Variants in SLC38A8 observed in about 807,000 individuals in gnomAD.
The protein encoded by SLC38A8 is amino acid transporter SLC38A8.
In SLC38A8, 65 loss-of-function variants were observed where a neutral mutation model predicts 46.0. The observed-to-expected ratio is 1.41, with a 90% CI of 1.16 to 1.74. SLC38A8 has a LOEUF of 1.74. SLC38A8 is among the 40% of genes most tolerant of loss of function. SLC38A8 has a pLI of 0.00. For missense variants in SLC38A8, 998 were observed against 567.9 expected, an observed-to-expected ratio of 1.76 and a Z score of -7.70; for synonymous variants, 447 against 243.7, an observed-to-expected ratio of 1.83 and a Z score of -7.77.
intron 2 of SLC38A8, among the ~76,000 whole-genome samples, chr16:84,040,458 T>C (rs924121377): frequency 3.3e-5 from 5 of 152,204 alleles, no homozygotes; most frequent in African/African-American, 9.6e-5. Context: ...AGCATCTGCA[T>C]TTCAGCAAGA....
At position 84,022,817 on chromosome 16, in the gene SLC38A8, C is replaced by A. The variant is rs1386466657; in HGVS notation, c.763G>T (p.Val255Leu). 1.2e-6 allele frequency: 2 copies of A among 1,613,856 alleles called. No individual in the cohort carries two copies. Among genetic ancestry groups the A allele is most frequent in the African/African-American group, 1.3e-5 (1 of 74,910 alleles). The change falls in exon 7 of 11, where the codon GTG (valine) becomes TTG (leucine). Residue 255 changes from valine (V) to leucine (L), a missense_variant. Val to Leu is a conservative substitution (Grantham distance 32, BLOSUM62 1). Coordinates refer to ENST00000299709, the MANE Select transcript of SLC38A8 (RefSeq NM_001080442.3). ...AGGCAGCAGGCCAGCAAGGACAGCA[C>A]AGACACCAGGGCCCAGTGGGAGAGG... ...RSLSHWALVS[V>L]LSLLACCLIY...
chr16:84,042,250 G>A (rs2085376745), intron 1 of SLC38A8, 91 bp from the exon 2 acceptor site: 13 of 1,411,716 alleles, frequency 9.2e-6, no homozygotes, highest in Non-Finnish European at 1.2e-5. Flanking sequence ...CCAACTCAGT[G>A]AGAGCTCCCT....
chr16:84,026,848 C>A (rs1187519453), intron 6 of SLC38A8, among the ~76,000 whole-genome samples: 1 of 152,126 alleles, frequency 6.6e-6, no homozygotes, highest in Admixed American at 6.6e-5. Flanking sequence ...CAAATCCAGA[C>A]AGACAAGAAG....
chr16:84,009,775 A>G lies in SLC38A8; in HGVS notation c.*9T>C, dbSNP rs7196330. On this transcript the variant is annotated 3_prime_UTR_variant, in exon 11 of 11. Coordinates refer to ENST00000299709, the MANE Select transcript of SLC38A8 (RefSeq NM_001080442.3). ...GGAGGGCCCCTTCCTGCCCGGCACT[A>G]GCTGCCCATCAGAACATCTCCCAGA... The G allele has an allele frequency of 0.18, 285,180 of 1,611,486 alleles. 30,830 individuals carry two copies. The highest frequency in any genetic ancestry group is 0.53 in the African/African-American group (39,400 of 74,814).
intron 7 of SLC38A8, among the ~76,000 whole-genome samples, chr16:84,021,280 G>T (rs1281756448): frequency 6.6e-6 from 1 of 152,250 alleles, no homozygotes; most frequent in East Asian, 1.9e-4. Context: ...TCACAGGCTG[G>T]TCTCAAAATC....
intron 7 of SLC38A8, among the ~76,000 whole-genome samples, chr16:84,019,804 G>A (rs1247361714): frequency 6.6e-6 from 1 of 152,216 alleles, no homozygotes; most frequent in African/African-American, 2.4e-5. Context: ...GAGAGACTAA[G>A]GCCAAAGGAA....
chr16:84,025,194 T>G (rs1490664319), intron 6 of SLC38A8, among the ~76,000 whole-genome samples: 1 of 152,186 alleles, frequency 6.6e-6, no homozygotes, highest in African/African-American at 2.4e-5. Context: ...TTCAGGGTTC[T>G]TCCCAGGCTC....
At chr16:84,012,954 T>G in intron 10 of SLC38A8, 47 bp downstream of exon 10, 2 of 1,601,138 alleles carry the variant, frequency 1.2e-6, no homozygotes, top group Non-Finnish European at 8.5e-7. Flanking sequence ...ATTCTTACTC[T>G]GATCCGGGGC....
intron 5 of SLC38A8, among the ~76,000 whole-genome samples, chr16:84,031,639 C>A (rs1466308723): frequency 6.6e-6 from 1 of 152,262 alleles, no homozygotes; most frequent in African/African-American, 2.4e-5. Flanking sequence ...TTTGGCGGTT[C>A]TGCGTCCCTT....
At chr16:84,041,548 G>C (rs1251074964) in intron 2 of SLC38A8, among the ~76,000 whole-genome samples, 1 of 152,226 alleles carries the variant, frequency 6.6e-6, no homozygotes, top group Admixed American at 6.5e-5. Flanking sequence ...CCTGACCTCA[G>C]GTGATCCGTC....
chr16:84,033,374 G>A lies in SLC38A8; in HGVS notation c.484C>T (p.Leu162=). ...ATCTCCCGCGGGGCAGACAGGGGCA[G>A]GATGACCAGCACGGAGAGCAGGGGC... is the stretch of plus-strand genomic sequence containing the variant. ...TLPLLSVLVI[L]PLSAPREIAF... is the part of the protein sequence containing the mutation. The change falls in exon 4 of 11, where the codon CTG becomes TTG. Residue 162 remains leucine, a synonymous_variant. Coordinates refer to ENST00000299709, the MANE Select transcript of SLC38A8 (RefSeq NM_001080442.3). 2 of 1,614,070 alleles carry A rather than the reference G, an allele frequency of 1.2e-6. No homozygotes were observed. Among genetic ancestry groups the A allele is most frequent in the Non-Finnish European group, 1.7e-6 (2 of 1,179,970 alleles).
At chr16:84,032,057 C>G in intron 4 of SLC38A8, 89 bp from the exon 5 acceptor site, 1 of 1,146,012 alleles carries the variant, frequency 8.7e-7, no homozygotes, top group Non-Finnish European at 1.3e-6. Context: ...ATCCCAGCTC[C>G]GCCCTTGACA....
At chr16:84,038,266 G>A (rs1217198400) in intron 2 of SLC38A8, among the ~76,000 whole-genome samples, 4 of 151,784 alleles carry the variant, frequency 2.6e-5, no homozygotes, top group African/African-American at 9.7e-5. Context: ...AGCTGAGATC[G>A]TGCCACTGTA....
Position 84,030,466 on chromosome 16 carries a change from G to C in SLC38A8, c.633-915C>G, listed in dbSNP as rs542569552. ...GGCCAACGTCAGCCACGTTTCTCCTGCCAGCCCGGACCTCTCTCTCTGAAC... is the reference window on the plus strand; with the variant it reads ...GGCCAACGTCAGCCACGTTTCTCCTCCCAGCCCGGACCTCTCTCTCTGAAC... On this transcript the variant is annotated intron_variant, in intron 5 of 10. Coordinates refer to ENST00000299709, the MANE Select transcript of SLC38A8 (RefSeq NM_001080442.3). Among the ~76,000 whole-genome samples the C allele has an allele frequency of 2.0e-5, 3 of 152,056 alleles. No individual in the cohort carries two copies. In the South Asian group the frequency reaches 6.2e-4, roughly 32 times the overall value.
intron 6 of SLC38A8, among the ~76,000 whole-genome samples, chr16:84,026,818 T>C (rs945276330): frequency 1.1e-4 from 16 of 152,108 alleles, no homozygotes; most frequent in African/African-American, 3.9e-4. Context: ...ATTCCATTCC[T>C]AGGAGGTGGC....
Position 84,016,564 on chromosome 16 carries a change from T to C in SLC38A8, c.1117A>G (p.Ser373Gly). The change falls in exon 9 of 11, where the codon AGC (serine) becomes GGC (glycine). Residue 373 changes from serine (S) to glycine (G), a missense_variant. By Grantham distance (56) the Ser-to-Gly change is moderately conservative. Coordinates refer to ENST00000299709, the MANE Select transcript of SLC38A8 (RefSeq NM_001080442.3). ...LFMPDLSEIV[S>G]IIGGISSFFI... is the part of the protein sequence containing the mutation. Reference sequence around the variant, plus strand: ...AAGGAACTGATGCCTCCGATGATGCTGACGATCTCGCTGAGGTCAGGCATA... The same window carrying C: ...AAGGAACTGATGCCTCCGATGATGCCGACGATCTCGCTGAGGTCAGGCATA... 6.2e-7 allele frequency: 1 copy of C among 1,614,102 alleles called. No individual in the cohort carries two copies. Among genetic ancestry groups the C allele is most frequent in the Non-Finnish European group, 8.5e-7 (1 of 1,180,032 alleles).
At chr16:84,037,480 G>T (rs528389064) in intron 2 of SLC38A8, among the ~76,000 whole-genome samples, 1 of 152,348 alleles carries the variant, frequency 6.6e-6, no homozygotes, top group South Asian at 2.1e-4. Flanking sequence ...TGGTGTTCCG[G>T]CTGGGCACAG....
At chr16:84,014,600 C>T (rs935951220) in intron 9 of SLC38A8, among the ~76,000 whole-genome samples, 2 of 152,244 alleles carry the variant, frequency 1.3e-5, no homozygotes, top group South Asian at 4.1e-4. Flanking sequence ...TGGCCACTCC[C>T]CTCACCTCTG....
chr16:84,016,112 G>C (rs879734929), intron 9 of SLC38A8, among the ~76,000 whole-genome samples: 11 of 151,474 alleles, frequency 7.3e-5, no homozygotes, highest in South Asian at 2.1e-4. Flanking sequence ...GCAGGCAAGA[G>C]AGCTTGTGCT....
Sources: allele counts gnomAD v4.1 joint callset (sites outside exome capture counted in the v4.1 genomes callset), GRCh38; gene constraint gnomAD v4.1.1; transcripts MANE v1.5; gene names NCBI Gene and HGNC (gene_info 2026-07-23, HGNC 2026-07-21).